The following PRELID2 variants were observed in gnomAD, a reference collection of about 807,000 sequenced individuals.
PRELID2 encodes the protein PRELI domain-containing protein 2.
PRELID2 carries 25 observed loss-of-function variants against 28.4 expected under a neutral mutation model. The ratio of observed to expected loss-of-function variants is 0.88; its 90% CI spans 0.64 to 1.23. The LOEUF (loss-of-function observed/expected upper bound fraction) is 1.23. PRELID2 is among the 50% of genes most tolerant of loss of function. The pLI, the probability that PRELID2 is intolerant of heterozygous loss-of-function variation, is 0.00. For synonymous variants in PRELID2, 76 were observed against 71.6 expected (o/e 1.06, Z -0.31); for missense variants, 201 against 214.4 (o/e 0.94, Z 0.39).
At chr5:145,810,007 C>T (rs1269522695) in intron 4 of PRELID2, among the ~76,000 whole-genome samples, 1 of 152,150 alleles carries the variant, frequency 6.6e-6, no homozygotes, top group East Asian at 1.9e-4. Flanking sequence ...CTCACAAATA[C>T]ATATATTTTA....
At chr5:145,246,930 C>T in the PRELID2 span, among the ~76,000 whole-genome samples, 1 of 152,176 alleles carries the variant, frequency 6.6e-6, no homozygotes, top group African/African-American at 2.4e-5. Context: ...GGGGACCAGT[C>T]TGCCTTTGCA....
chr5:145,291,337 G>GAAAAA, the PRELID2 span, among the ~76,000 whole-genome samples: 23 of 41,732 alleles, frequency 5.5e-4, no homozygotes, highest in African/African-American at 1.3e-3. Context: ...CTCTGTTTCA[G>GAAAAA]AAAAAAAAAA....
intron 1 of PRELID2, among the ~76,000 whole-genome samples, chr5:145,709,252 C>G (rs1755625992): frequency 6.6e-6 from 1 of 152,190 alleles, no homozygotes; most frequent in South Asian, 2.1e-4. Flanking sequence ...GCTTCTTCAC[C>G]AATACCTCTC....
In PRELID2 at chr5:145,741,142, T is replaced by C. The variant is rs1405447812; in HGVS notation, n.70+23789A>G. 3.0e-4 allele frequency among the ~76,000 whole-genome samples: 35 copies of C among 116,656 alleles called. No individual in the cohort carries two copies. The East Asian group carries it at 3.7e-3, about 12-fold the overall frequency. 76.5% of individuals were successfully genotyped at this position (116,656 alleles called of 152,430 possible). The stretch of plus-strand genomic sequence containing the variant: ...ATATATAATATATAAATATATAATG[T>C]ATAAATATGTAAAATATATAAATAT... On this transcript the variant is annotated intron_variant and non_coding_transcript_variant, in intron 1 of 2. Coordinates refer to the PRELID2 transcript ENST00000510259.
intron 1 of PRELID2, among the ~76,000 whole-genome samples, chr5:145,617,731 C>CT (rs71581832): frequency 1.1e-3 from 160 of 140,568 alleles, no homozygotes; most frequent in South Asian, 7.9e-3. Flanking sequence ...TCTTTTCTTT[C>CT]TTTTTTTTTT....
intron 1 of PRELID2, among the ~76,000 whole-genome samples, chr5:145,634,743 C>T (rs899058303): frequency 2.1e-4 from 32 of 152,182 alleles, no homozygotes; most frequent in African/African-American, 7.7e-4. Flanking sequence ...CTTTATCTAG[C>T]TCACTGCTTT....
chr5:145,740,629 ATATATATAAATATATATATTT>A, intron 1 of PRELID2, among the ~76,000 whole-genome samples: 1 of 8,546 alleles, frequency 1.2e-4, no homozygotes, highest in Non-Finnish European at 9.3e-4. Context: ...TATATATATT[ATATATATAAATATATATATTT>A]TATATATAAA....
chr5:145,340,837 C>T, the PRELID2 span, among the ~76,000 whole-genome samples: 2 of 146,712 alleles, frequency 1.4e-5, no homozygotes, highest in African/African-American at 5.0e-5. Context: ...CCAGTGTAAG[C>T]TGCTCTGGGG....
the PRELID2 span, among the ~76,000 whole-genome samples, chr5:145,330,020 C>T: frequency 4.6e-5 from 7 of 152,126 alleles, no homozygotes; most frequent in Admixed American, 4.6e-4. Context: ...TTTTCTGCAT[C>T]TATTGAGATA....
At position 145,756,649 on chromosome 5, in the gene PRELID2, TA is replaced by T. The variant is rs1209352589; in HGVS notation, c.*3886del. Among the ~76,000 whole-genome samples, 1 of 152,178 alleles carries T rather than the reference TA, an allele frequency of 6.6e-6. No individual in the cohort carries two copies. Among genetic ancestry groups the T allele is most frequent in the Non-Finnish European group, 1.5e-5 (1 of 68,020 alleles). ...TGCAGATGAGGATAAAGAAGTAAGT[TA>T]GGGGAAGAGAGTTGAGCCACTGAAA... On this transcript the variant is annotated 3_prime_UTR_variant, in exon 7 of 7. Coordinates refer to ENST00000683046, the MANE Select transcript of PRELID2 (RefSeq NM_205846.3).
chr5:145,546,937 G>A (rs1270932063), intron 1 of PRELID2, among the ~76,000 whole-genome samples: 1 of 152,172 alleles, frequency 6.6e-6, no homozygotes, highest in Non-Finnish European at 1.5e-5. Context: ...TCTTTTGGTA[G>A]TTAAATTTCC....
the PRELID2 span, among the ~76,000 whole-genome samples, chr5:145,285,342 T>C: frequency 2.6e-5 from 4 of 152,260 alleles, no homozygotes; most frequent in South Asian, 2.1e-4. Context: ...ATCCTAAAGA[T>C]AGCACTAAGA....
the PRELID2 span, among the ~76,000 whole-genome samples, chr5:145,364,937 GA>G: frequency 6.6e-6 from 1 of 151,924 alleles, no homozygotes; most frequent in Non-Finnish European, 1.5e-5. Flanking sequence ...ATAAATATAG[GA>G]AATTTAATGT....
At chr5:145,574,709 C>G (rs937124475) in intron 1 of PRELID2, among the ~76,000 whole-genome samples, 1 of 152,154 alleles carries the variant, frequency 6.6e-6, no homozygotes, top group Admixed American at 6.6e-5. Context: ...TTCCAGGACC[C>G]CTGAGGATGT....
chr5:145,736,369 GTAAC>G (rs1756497119), intron 1 of PRELID2, among the ~76,000 whole-genome samples: 1 of 135,542 alleles, frequency 7.4e-6, no homozygotes, highest in African/African-American at 2.7e-5. Flanking sequence ...CTCACAGAGG[GTAAC>G]TAACTTTCCC....
chr5:145,343,114 A>G, the PRELID2 span, among the ~76,000 whole-genome samples: 1 of 151,978 alleles, frequency 6.6e-6, no homozygotes, highest in Non-Finnish European at 1.5e-5. Flanking sequence ...CAGATCATCT[A>G]GACAAAAAAA....
At chr5:145,452,991 T>C in the PRELID2 span, among the ~76,000 whole-genome samples, 4 of 152,188 alleles carry the variant, frequency 2.6e-5, no homozygotes, top group African/African-American at 7.2e-5. Context: ...TCAAAGCAGA[T>C]GCTATTTCTA....
At chr5:145,409,328 T>G in the PRELID2 span, among the ~76,000 whole-genome samples, 2 of 152,078 alleles carry the variant, frequency 1.3e-5, no homozygotes, top group East Asian at 3.9e-4. Context: ...AACAACGTAT[T>G]CAGGTAACAA....
the PRELID2 span, among the ~76,000 whole-genome samples, chr5:145,386,270 G>A: frequency 2.6e-5 from 4 of 151,870 alleles, no homozygotes; most frequent in African/African-American, 7.3e-5. Flanking sequence ...CATGGAGGTG[G>A]AGGTAACCAC....
Sources: allele counts gnomAD v4.1 joint callset (sites outside exome capture counted in the v4.1 genomes callset), GRCh38; gene constraint gnomAD v4.1.1; transcripts MANE v1.5; gene names NCBI Gene and HGNC (gene_info 2026-07-23, HGNC 2026-07-21).